Variants in CD84 observed in about 807,000 individuals in gnomAD.
The protein encoded by CD84 is SLAM family member 5.
Under a neutral mutation model 33.8 loss-of-function variants are expected in CD84, and 22 were observed. That is an observed-to-expected ratio of 0.65 (90% confidence interval 0.46 to 0.93). CD84 has a LOEUF of 0.93. Among genes scored for constraint, CD84 ranks in the 40% least tolerant of loss-of-function variants. The pLI is 0.00. For missense variants in CD84, 400 were observed against 397.6 expected (o/e 1.01, Z -0.05); for synonymous variants, 154 against 145.2 (o/e 1.06, Z -0.44).
At chr1:160,565,918 T>C (rs1318442439) in intron 1 of CD84, among the ~76,000 whole-genome samples, 173 bp from the exon 2 acceptor site, 1 of 152,102 alleles carries the variant, frequency 6.6e-6, no homozygotes, top group African/African-American at 2.4e-5. Context: ...TAATATGTTA[T>C]GACAACTAAA....
chr1:160,569,872 C>G (rs950246254), intron 1 of CD84, among the ~76,000 whole-genome samples: 1 of 152,122 alleles, frequency 6.6e-6, no homozygotes, highest in Admixed American at 6.6e-5. Context: ...GCTGGAGATA[C>G]AAATTAGGTT....
In CD84 at chr1:160,565,709, G is replaced by T; in HGVS notation, c.83C>A (p.Thr28Lys). Residue 28 changes from threonine to lysine, a missense_variant, in exon 2 of 7, where the codon ACA (threonine) becomes AAA (lysine). By Grantham distance (78) the Thr-to-Lys change is moderately conservative (BLOSUM62 -1). Transcript: ENST00000368054. ...EAAGKDSEIFTVNGILGESVT... is the reference protein window; with the variant it reads ...EAAGKDSEIFKVNGILGESVT... ...TGACTCTCCCAGAATCCCATTCACT[G>T]TGAAGATTTCTGAGTCTTTTCCAGC... 6.2e-7 allele frequency: 1 copy of T among 1,612,518 alleles called. No homozygotes were observed.
rs1300015875 is a variant in CD84, at chr1:160,565,737, C to T, written c.55G>A (p.Ala19Thr). The T allele has an allele frequency of 1.2e-6, 2 of 1,601,170 alleles. No homozygotes were observed. Among genetic ancestry groups the T allele is most frequent in the East Asian group, 4.5e-5 (2 of 44,596 alleles). Residue 19 changes from alanine (A) to threonine (T), a missense_variant, in exon 2 of 7, where the codon GCA becomes ACA. Physicochemically the swap from Ala to Thr is moderately conservative, Grantham distance 58. Coordinates refer to ENST00000368054, the MANE Select transcript of CD84 (RefSeq NM_003874.4). ...AAGATTTCTGAGTCTTTTCCAGCTGCTTCCGGCCCTGAGAACATAAAAAGA... is the reference window on the plus strand; with the variant it reads ...AAGATTTCTGAGTCTTTTCCAGCTGTTTCCGGCCCTGAGAACATAAAAAGA... ...LLLCLQTWPE[A>T]AGKDSEIFTV...
In CD84 at chr1:160,549,988, C is replaced by T; in HGVS notation, c.859-9G>A. ...TCCTTGGAGGGAAGCACCTGTAAAA[C>T]ACACATCTTCCCCTCAGTGAGGGAG... On this transcript the variant is annotated splice_polypyrimidine_tract_variant and intron_variant, in intron 5 of 6. Transcript: ENST00000368054. The T allele has an allele frequency of 6.3e-7, 1 of 1,597,452 alleles. No individual in the cohort carries two copies. The highest frequency in any genetic ancestry group is 8.6e-7 in the Non-Finnish European group (1 of 1,165,832).
intron 2 of CD84, among the ~76,000 whole-genome samples, chr1:160,557,994 G>A (rs887679633): frequency 2.0e-5 from 3 of 152,208 alleles, no homozygotes; most frequent in Non-Finnish European, 4.4e-5. Context: ...CTGGGGCAGA[G>A]CTCCTATGGG....
Position 160,542,950 on chromosome 1 carries a change from C to T in CD84, c.*5306G>A, listed in dbSNP as rs186084496. The T allele has an allele frequency of 1.7e-4, 26 of 152,142 alleles. No individual in the cohort carries two copies. Among genetic ancestry groups the T allele is most frequent in the African/African-American group, 6.3e-4 (26 of 41,502 alleles). 9.4% of individuals were successfully genotyped at this position (152,142 alleles called of 1,614,324 possible). ...AACCACTAAATTGTTCAGCACAATT[C>T]CCCAAATTCTTATCTCTTCTTTTGT... On this transcript the variant is annotated 3_prime_UTR_variant, in exon 7 of 7. Coordinates refer to ENST00000368054, the MANE Select transcript of CD84 (RefSeq NM_003874.4).
intron 2 of CD84, among the ~76,000 whole-genome samples, chr1:160,558,797 G>A (rs1401758230): frequency 5.3e-5 from 8 of 152,194 alleles, no homozygotes; most frequent in Admixed American, 2.0e-4. Context: ...GAACAAAACC[G>A]ACCTGATGGA....
intron 1 of CD84, among the ~76,000 whole-genome samples, chr1:160,567,433 A>C (rs1657401621): frequency 6.6e-6 from 1 of 152,124 alleles, no homozygotes; most frequent in Non-Finnish European, 1.5e-5. Flanking sequence ...CTGAGGATTT[A>C]GTTGGGGGTT....
At chr1:160,549,475 C>T (rs11265435) in intron 6 of CD84, among the ~76,000 whole-genome samples, 1,862 of 152,252 alleles carry the variant, frequency 0.012, 44 homozygotes, top group African/African-American at 0.042. Flanking sequence ...GTGCAGGCTG[C>T]GTGTGGTAAA....
At chr1:160,570,021 G>A (rs796584461) in intron 1 of CD84, among the ~76,000 whole-genome samples, 2 of 152,264 alleles carry the variant, frequency 1.3e-5, no homozygotes, top group African/African-American at 4.8e-5. Context: ...ACAGGAAGGA[G>A]AGGCTGCATC....
intron 2 of CD84, among the ~76,000 whole-genome samples, chr1:160,554,584 C>T (rs950259810): frequency 2.0e-4 from 30 of 152,282 alleles, no homozygotes; most frequent in Middle Eastern, 3.4e-3. Flanking sequence ...ATATCTGTAG[C>T]CATTACATTG....
intron 2 of CD84, among the ~76,000 whole-genome samples, chr1:160,557,348 C>T (rs1375986955): frequency 1.3e-5 from 2 of 152,192 alleles, no homozygotes; most frequent in Non-Finnish European, 2.9e-5. Context: ...TAATACTATT[C>T]ATTCATTCTT....
At chr1:160,563,592 G>C (rs1335662933) in intron 2 of CD84, among the ~76,000 whole-genome samples, 3 of 152,060 alleles carry the variant, frequency 2.0e-5, no homozygotes, top group Non-Finnish European at 2.9e-5. Flanking sequence ...CTGTTGGAGA[G>C]GGGTTGGGGG....
At chr1:160,558,549 C>G (rs1656755146) in intron 2 of CD84, among the ~76,000 whole-genome samples, 3 of 152,096 alleles carry the variant, frequency 2.0e-5, no homozygotes, top group African/African-American at 7.2e-5. Flanking sequence ...TGCAAAAATG[C>G]TGAAAACTCA....
At position 160,565,455 on chromosome 1, in the gene CD84, T is replaced by C. The variant is rs765244258; in HGVS notation, c.337A>G (p.Thr113Ala). ...GTGGTGGTGTAGGGATCAGCCTGTG[T>C]ATTTATGTCTGCTTTGTAGTCTCCT... ...DAGDYKADIN[T>A]QADPYTTTKR... The change falls in exon 2 of 7, where the codon ACA becomes GCA. Residue 113 changes from threonine (T) to alanine (A), a missense_variant. Transcript: ENST00000368054. 1.9e-6 allele frequency: 3 copies of C among 1,613,804 alleles called. No individual in the cohort carries two copies. Among genetic ancestry groups the C allele is most frequent in the South Asian group, 2.2e-5 (2 of 91,058 alleles).
In CD84 at chr1:160,578,135, C is replaced by T. The variant is rs1333287118; in HGVS notation, c.46+1257G>A. On this transcript the variant is annotated intron_variant, in intron 1 of 6. Coordinates refer to ENST00000368054, the MANE Select transcript of CD84 (RefSeq NM_003874.4). ...AAATTTCAGGTGAATTTTTAAACCC[C>T]TAAATCTTAATTTATTATTTTTCTT... is the stretch of plus-strand genomic sequence containing the variant. Among the ~76,000 whole-genome samples, 8 of 152,120 alleles carry T rather than the reference C, an allele frequency of 5.3e-5. No homozygotes were observed. In the South Asian group the frequency reaches 1.5e-3, roughly 28 times the overall value.
At chr1:160,555,411 C>A (rs1307217186) in intron 2 of CD84, among the ~76,000 whole-genome samples, 1 of 151,930 alleles carries the variant, frequency 6.6e-6, no homozygotes, top group African/African-American at 2.4e-5. Context: ...TTTTTTCATT[C>A]TGTTTTCTGG....
chr1:160,555,163 C>T (rs2102146162), intron 2 of CD84, among the ~76,000 whole-genome samples: 1 of 151,248 alleles, frequency 6.6e-6, no homozygotes, highest in East Asian at 1.9e-4. Context: ...TCACTGCAAG[C>T]TCCGCCTCCT....
rs1420223463 is a variant in CD84, at chr1:160,554,045, C to T, written c.490G>A (p.Val164Met). Residue 164 changes from valine to methionine, a missense_variant, in exon 3 of 7, where the codon GTG (valine) becomes ATG (methionine). Val to Met is a conservative substitution (Grantham distance 21). Coordinates refer to ENST00000368054, the MANE Select transcript of CD84 (RefSeq NM_003874.4). The part of the protein sequence containing the change: ...TCSVEKEEKN[V>M]TYNWSPLGEE... ...CCCAGGGGACTCCAATTGTATGTCACATTCTTTTCTTCTTTCTCTACAGAG... is the reference window on the plus strand; with the variant it reads ...CCCAGGGGACTCCAATTGTATGTCATATTCTTTTCTTCTTTCTCTACAGAG... 2 of 1,614,200 alleles carry T rather than the reference C, an allele frequency of 1.2e-6. No homozygotes were observed. Among genetic ancestry groups the T allele is most frequent in the East Asian group, 4.5e-5 (2 of 44,892 alleles).
Sources: allele counts gnomAD v4.1 joint callset (sites outside exome capture counted in the v4.1 genomes callset), GRCh38; gene constraint gnomAD v4.1.1; transcripts MANE v1.5; gene names NCBI Gene and HGNC (gene_info 2026-07-23, HGNC 2026-07-21).